LYRM4: variants seen among roughly 807,000 people sequenced by gnomAD.
LYRM4 encodes the protein LYR motif-containing protein 4.
LYRM4 carries 9 observed loss-of-function variants against 11.7 expected under a neutral mutation model. The ratio of observed to expected loss-of-function variants is 0.77; its 90% confidence interval spans 0.46 to 1.34. LYRM4 has a LOEUF of 1.34. Ranked by LOEUF, LYRM4 falls within the 40% of genes most tolerant of loss-of-function variation. The pLI, the probability that LYRM4 is intolerant of heterozygous loss-of-function variation, is 0.00. For missense variants in LYRM4, 133 were observed against 112.5 expected, an observed-to-expected ratio of 1.18 and a Z score of -0.82; for synonymous variants, 42 against 40.4, an observed-to-expected ratio of 1.04 and a Z score of -0.15.
chr6:5,078,060 A>T, the LYRM4 span, among the ~76,000 whole-genome samples: 1 of 152,224 alleles, frequency 6.6e-6, no homozygotes, highest in Non-Finnish European at 1.5e-5. Flanking sequence ...TTACAATGAG[A>T]CAAGATTATG....
chr6:5,059,543 C>T, the LYRM4 span, among the ~76,000 whole-genome samples: 1 of 152,076 alleles, frequency 6.6e-6, no homozygotes, highest in African/African-American at 2.4e-5. Flanking sequence ...GAATTCTTGT[C>T]GCAGGAAGAG....
At chr6:5,250,603 C>A (rs1392250789) in intron 1 of LYRM4, among the ~76,000 whole-genome samples, 1 of 152,174 alleles carries the variant, frequency 6.6e-6, no homozygotes, top group Non-Finnish European at 1.5e-5. Context: ...TGCTTTTAGG[C>A]ACACATGAAT....
At chr6:5,253,000 T>C (rs1764504196) in intron 1 of LYRM4, among the ~76,000 whole-genome samples, 1 of 152,254 alleles carries the variant, frequency 6.6e-6, no homozygotes, top group African/African-American at 2.4e-5. Flanking sequence ...AAGGTGGCAC[T>C]TAGGAGACCA....
the LYRM4 span, among the ~76,000 whole-genome samples, chr6:5,057,995 TC>T: frequency 6.6e-6 from 1 of 152,086 alleles, no homozygotes; most frequent in Non-Finnish European, 1.5e-5. Context: ...CAAACAGTCC[TC>T]CTGCCTCGGC....
the LYRM4 span, among the ~76,000 whole-genome samples, chr6:5,040,138 G>A: frequency 3.3e-5 from 5 of 152,012 alleles, no homozygotes; most frequent in Admixed American, 1.3e-4. Context: ...GCAACATAGC[G>A]AGACCCCATC....
At chr6:5,107,585 A>T (rs1762699150), downstream of LYRM4, 1 of 151,634 alleles carries the variant, frequency 6.6e-6, no homozygotes, top group African/African-American at 2.4e-5. Flanking sequence ...TTGCCACATC[A>T]CCTCCGTTCA....
chr6:5,077,032 C>A, the LYRM4 span, among the ~76,000 whole-genome samples: 1 of 152,190 alleles, frequency 6.6e-6, no homozygotes, highest in South Asian at 2.1e-4. Context: ...CTCCCCCTAC[C>A]ACATCTTACT....
At chr6:5,082,898 G>C in the LYRM4 span, among the ~76,000 whole-genome samples, 1 of 136,190 alleles carries the variant, frequency 7.3e-6, no homozygotes, top group African/African-American at 2.6e-5. Flanking sequence ...GGCCCAGCAC[G>C]TTCTTCCTTG....
intron 1 of LYRM4, among the ~76,000 whole-genome samples, chr6:5,258,708 T>C (rs2773319): frequency 0.26 from 39,173 of 152,130 alleles, 5,856 homozygotes; most frequent in African/African-American, 0.41. Flanking sequence ...GATTATCAGA[T>C]TCCTTTGGAT....
the LYRM4 span, among the ~76,000 whole-genome samples, chr6:5,056,850 G>T: frequency 6.6e-6 from 1 of 152,080 alleles, no homozygotes; most frequent in African/African-American, 2.4e-5. Flanking sequence ...TTTATCCATT[G>T]TTCAAGTAAA....
the LYRM4 span, among the ~76,000 whole-genome samples, chr6:5,096,062 A>G: frequency 1.3e-5 from 2 of 152,234 alleles, no homozygotes; most frequent in East Asian, 3.8e-4. Flanking sequence ...ACAATGTACT[A>G]TGATTACGGA....
chr6:5,150,196 A>G (rs1758011415), intron 2 of LYRM4, among the ~76,000 whole-genome samples: 1 of 152,212 alleles, frequency 6.6e-6, no homozygotes, highest in African/African-American at 2.4e-5. Context: ...ACAGTGGTGA[A>G]CCAGGTGTAC....
chr6:5,236,389 C>A (rs1234510271), intron 1 of LYRM4: 1 of 151,760 alleles, frequency 6.6e-6, no homozygotes, highest in African/African-American at 2.4e-5. Context: ...TGCTTGAACC[C>A]AGGAGGCAGA....
intron 1 of LYRM4, among the ~76,000 whole-genome samples, chr6:5,229,852 T>C (rs770376795): frequency 2.6e-4 from 39 of 152,318 alleles, no homozygotes; most frequent in Middle Eastern, 3.4e-3. Flanking sequence ...AGATGCTCCT[T>C]TCAGTCTCTA....
intron 1 of LYRM4, among the ~76,000 whole-genome samples, chr6:5,258,194 G>A (rs1459516636): frequency 6.6e-6 from 1 of 152,192 alleles, no homozygotes; most frequent in Non-Finnish European, 1.5e-5. Flanking sequence ...GGAGCAGACA[G>A]GGCTCCTGCT....
intron 1 of LYRM4, among the ~76,000 whole-genome samples, chr6:5,234,734 G>A (rs985664850): frequency 6.6e-6 from 1 of 151,918 alleles, no homozygotes; most frequent in Non-Finnish European, 1.5e-5. Flanking sequence ...GGAGAGAGGA[G>A]CTATAAGAAA....
chr6:5,254,376 A>G (rs943411857), intron 1 of LYRM4, among the ~76,000 whole-genome samples: 6 of 152,226 alleles, frequency 3.9e-5, no homozygotes, highest in Non-Finnish European at 8.8e-5. Context: ...AGAATCCCGA[A>G]GCACGGATTT....
chr6:5,199,442 A>G (rs1336032519), intron 2 of LYRM4, among the ~76,000 whole-genome samples: 1 of 152,106 alleles, frequency 6.6e-6, no homozygotes, highest in Non-Finnish European at 1.5e-5. Flanking sequence ...TCTAAAATTG[A>G]TCATGGTGAT....
At chr6:5,086,587 G>A in the LYRM4 span, 2 of 1,468,310 alleles carry the variant, frequency 1.4e-6, no homozygotes, top group African/African-American at 1.4e-5. Flanking sequence ...GAAGAGCCGT[G>A]GGGCGGGGTT....
Sources: allele counts gnomAD v4.1 joint callset (sites outside exome capture counted in the v4.1 genomes callset), GRCh38; gene constraint gnomAD v4.1.1; transcripts MANE v1.5; gene names NCBI Gene and HGNC (gene_info 2026-07-23, HGNC 2026-07-21).